The following RBFOX1 variants were observed in gnomAD, a reference collection of about 807,000 sequenced individuals.
The protein encoded by RBFOX1 is RNA binding protein fox-1 homolog 1.
A neutral mutation model predicts 57.7 loss-of-function variants in RBFOX1; 8 were observed. The observed-to-expected ratio is 0.14, with a 90% CI of 0.08 to 0.25. RBFOX1 has a LOEUF of 0.25. Ranked by LOEUF, RBFOX1 falls within the 10% of genes least tolerant of loss-of-function variation. The probability of loss-of-function intolerance (pLI) is 1.00; values close to 1 mark genes in which losing one functional copy is unlikely to be tolerated. For missense variants in RBFOX1, 611 were observed against 548.5 expected, an observed-to-expected ratio of 1.11 and a Z score of -1.14; for synonymous variants, 326 against 222.4, an observed-to-expected ratio of 1.47 and a Z score of -4.15.
At chr16:5,583,419 C>G (rs1230524381) in intron 2 of RBFOX1, among the ~76,000 whole-genome samples, 2 of 152,316 alleles carry the variant, frequency 1.3e-5, no homozygotes, top group African/African-American at 4.8e-5. Flanking sequence ...GCTGAGTGTT[C>G]AAACTGCGTT....
chr16:6,349,087 G>C (rs772158951), intron 2 of RBFOX1, among the ~76,000 whole-genome samples: 1 of 152,118 alleles, frequency 6.6e-6, no homozygotes, highest in Non-Finnish European at 1.5e-5. Flanking sequence ...ATGCTGTGCC[G>C]TGGGTTGCTA....
At chr16:6,004,302 T>G (rs910611576) in intron 4 of RBFOX1, among the ~76,000 whole-genome samples, 7 of 152,238 alleles carry the variant, frequency 4.6e-5, no homozygotes, top group African/African-American at 1.7e-4. Context: ...CCTTGGACAT[T>G]TCACTTAGCT....
chr16:7,257,939 G>C (rs987984420), intron 4 of RBFOX1, among the ~76,000 whole-genome samples: 2 of 152,186 alleles, frequency 1.3e-5, no homozygotes, highest in African/African-American at 4.8e-5. Context: ...TTTCAAGGGA[G>C]GAAAGGGGGA....
intron 3 of RBFOX1, among the ~76,000 whole-genome samples, chr16:6,759,187 G>A (rs1001923324): frequency 6.8e-6 from 1 of 146,584 alleles, no homozygotes; most frequent in African/African-American, 2.5e-5. Context: ...GTCTCGCTCT[G>A]TTGCCCAGGC....
chr16:7,581,903 G>A (rs2152851295), intron 6 of RBFOX1, among the ~76,000 whole-genome samples: 1 of 151,898 alleles, frequency 6.6e-6, no homozygotes, highest in South Asian at 2.1e-4. Flanking sequence ...TTTTAATAGA[G>A]ATGGGGTCTC....
At chr16:7,534,165 C>T (rs913219713) in intron 5 of RBFOX1, among the ~76,000 whole-genome samples, 6 of 149,194 alleles carry the variant, frequency 4.0e-5, no homozygotes, top group Non-Finnish European at 7.4e-5. Flanking sequence ...CGGCTCACTG[C>T]AGCCTCCACC....
intron 3 of RBFOX1, among the ~76,000 whole-genome samples, chr16:6,805,000 T>A (rs1193635167): frequency 1.3e-5 from 2 of 152,202 alleles, no homozygotes; most frequent in African/African-American, 2.4e-5. Context: ...ATCAAAGATC[T>A]GAAAACTGAA....
intron 1 of RBFOX1, among the ~76,000 whole-genome samples, chr16:5,280,916 C>T (rs1326641849): frequency 6.8e-6 from 1 of 147,764 alleles, no homozygotes; most frequent in Middle Eastern, 3.5e-3. Flanking sequence ...ATTTGCATTT[C>T]TTTTTTGTCT....
chr16:7,580,017 G>C (rs369653209), intron 6 of RBFOX1, 97 bp downstream of exon 6: 6 of 1,356,918 alleles, frequency 4.4e-6, no homozygotes, highest in African/African-American at 2.9e-5. Context: ...ACTAAGGTTA[G>C]ATGTTTGTAT....
At chr16:6,969,660 C>G (rs1394028313) in intron 3 of RBFOX1, among the ~76,000 whole-genome samples, 1 of 151,960 alleles carries the variant, frequency 6.6e-6, no homozygotes, top group Non-Finnish European at 1.5e-5. Context: ...GGGAGGATGG[C>G]TTGAGTCTGG....
chr16:5,749,850 C>T (rs1329967086), intron 3 of RBFOX1, among the ~76,000 whole-genome samples: 1 of 152,154 alleles, frequency 6.6e-6, no homozygotes, highest in East Asian at 1.9e-4. Context: ...TCGTCTGAAG[C>T]CTTCTTCTCT....
intron 2 of RBFOX1, among the ~76,000 whole-genome samples, chr16:5,500,686 T>C (rs910730566): frequency 3.9e-5 from 6 of 152,210 alleles, no homozygotes; most frequent in Non-Finnish European, 7.3e-5. Flanking sequence ...GGTCCCAACA[T>C]TGAATGCTTC....
At chr16:6,011,070 C>A (rs978054292) in intron 4 of RBFOX1, among the ~76,000 whole-genome samples, 2 of 152,126 alleles carry the variant, frequency 1.3e-5, no homozygotes, top group African/African-American at 4.8e-5. Context: ...CTTTACTTAT[C>A]CATTTGTAAT....
intron 11 of RBFOX1, among the ~76,000 whole-genome samples, chr16:7,643,265 C>T (rs2063150978): frequency 6.6e-6 from 1 of 152,188 alleles, no homozygotes; most frequent in Admixed American, 6.5e-5. Context: ...CCTTTGGGAA[C>T]ACCAGACTCG....
intron 4 of RBFOX1, among the ~76,000 whole-genome samples, chr16:7,343,867 A>C (rs972107811): frequency 8.5e-5 from 13 of 152,146 alleles, no homozygotes; most frequent in Admixed American, 8.5e-4. Context: ...GTGGTTGTTA[A>C]AGGAACCAAA....
rs1567239367 is a variant in RBFOX1 at position 5,999,911 on chromosome 16, TGAAG to T, written c.351+132577_351+132580del. 9.6e-5 allele frequency among the ~76,000 whole-genome samples: 5 copies of T among 52,122 alleles called. 1 individual carries two copies. The highest frequency in any genetic ancestry group is 1.8e-4 in the Non-Finnish European group (5 of 27,266). 34.2% of individuals were successfully genotyped at this position (52,122 alleles called of 152,430 possible). On this transcript the variant is annotated intron_variant, in intron 4 of 19. Coordinates refer to the RBFOX1 transcript ENST00000641259. ...AAAAAAAAAAAAAAAAAAAAAAGAGTGAAGAAGGGAAATCAGACAAGGAAAGAAA... is the reference window on the plus strand; with the variant it reads ...AAAAAAAAAAAAAAAAAAAAAAGAGTAAGGGAAATCAGACAAGGAAAGAAA...
intron 4 of RBFOX1, among the ~76,000 whole-genome samples, chr16:7,238,456 A>T (rs2093886975): frequency 6.6e-6 from 1 of 152,122 alleles, no homozygotes; most frequent in African/African-American, 2.4e-5. Context: ...GAGCCTTTGC[A>T]TGGTTGTTTC....
intron 1 of RBFOX1, among the ~76,000 whole-genome samples, chr16:5,311,644 A>G (rs1037437386): frequency 1.3e-5 from 2 of 152,116 alleles, no homozygotes; most frequent in Non-Finnish European, 2.9e-5. Flanking sequence ...TTCCCTGATG[A>G]TGAGTTATGT....
chr16:7,287,996 A>G (rs561655322), intron 4 of RBFOX1, among the ~76,000 whole-genome samples: 8 of 151,994 alleles, frequency 5.3e-5, no homozygotes, highest in African/African-American at 1.2e-4. Context: ...ATCCAAACCA[A>G]TCTCGTGTGT....
Sources: gnomAD v4.1 joint callset for allele counts (sites outside exome capture counted in the v4.1 genomes callset) on GRCh38, gnomAD v4.1.1 for gene constraint, MANE v1.5 for transcripts, NCBI Gene and HGNC (gene_info 2026-07-23, HGNC 2026-07-21) for gene names.